Variants in PCDH9 observed in about 807,000 individuals in gnomAD.
PCDH9 encodes the protein protocadherin 9, also known as protocadherin-9.
A neutral mutation model predicts 70.6 loss-of-function variants in PCDH9; 24 were observed. The observed-to-expected ratio is 0.34, with a 90% confidence interval of 0.25 to 0.48. The LOEUF (loss-of-function observed/expected upper bound fraction) is 0.48. Ranked by LOEUF, PCDH9 falls within the 20% of genes least tolerant of loss-of-function variation. The pLI, the probability that PCDH9 is intolerant of heterozygous loss-of-function variation, is 0.99. For synonymous variants in PCDH9, 562 were observed against 558.5 expected (o/e 1.01, Z -0.09); for missense variants, 1,281 against 1,503.6 (o/e 0.85, Z 2.45).
intron 2 of PCDH9, among the ~76,000 whole-genome samples, chr13:67,062,511 G>T (rs1241695355): frequency 1.3e-5 from 2 of 152,116 alleles, no homozygotes; most frequent in Admixed American, 6.6e-5. Flanking sequence ...ACTGCATATT[G>T]CATATTGTAT....
intron 3 of PCDH9, among the ~76,000 whole-genome samples, chr13:66,776,526 A>G (rs1476194802): frequency 2.0e-5 from 3 of 151,740 alleles, no homozygotes; most frequent in Non-Finnish European, 4.4e-5. Context: ...ACTCCCATTC[A>G]CAATTGCTTC....
intron 3 of PCDH9, among the ~76,000 whole-genome samples, chr13:66,679,830 C>T (rs1284453286): frequency 6.6e-6 from 1 of 151,858 alleles, no homozygotes; most frequent in Non-Finnish European, 1.5e-5. Flanking sequence ...GTTCACCTGA[C>T]TCACCTGATA....
chr13:66,988,723 A>G lies in PCDH9; in HGVS notation c.3037-85118T>C, dbSNP rs556274798. Reference sequence around the variant, plus strand: ...AGAGTTTGATTCAATAGGGACAGTCATCTATTCTTATTTATTTTTAATGAT... The same window carrying G: ...AGAGTTTGATTCAATAGGGACAGTCGTCTATTCTTATTTATTTTTAATGAT... On this transcript the variant is annotated intron_variant, in intron 2 of 4. Transcript: ENST00000377865. 2.1e-4 allele frequency among the ~76,000 whole-genome samples: 32 copies of G among 152,132 alleles called. 1 individual carries two copies. The highest frequency in any genetic ancestry group is 2.1e-3 in the Admixed American group (32 of 15,242).
At chr13:66,378,867 G>T (rs568130554) in intron 4 of PCDH9, among the ~76,000 whole-genome samples, 10 of 152,312 alleles carry the variant, frequency 6.6e-5, no homozygotes, top group African/African-American at 2.4e-4. Context: ...AAGGAAAAGA[G>T]TGTAGGTCAT....
At chr13:66,378,151 C>A (rs906847017) in intron 4 of PCDH9, among the ~76,000 whole-genome samples, 1 of 152,126 alleles carries the variant, frequency 6.6e-6, no homozygotes, top group Non-Finnish European at 1.5e-5. Context: ...TGCCGAAAAG[C>A]CCTGAGGATG....
At chr13:66,806,317 C>T (rs2080409297) in intron 3 of PCDH9, among the ~76,000 whole-genome samples, 1 of 151,988 alleles carries the variant, frequency 6.6e-6, no homozygotes, top group Admixed American at 6.6e-5. Context: ...TACAGAATAG[C>T]CCCAGGTGGT....
intron 2 of PCDH9, among the ~76,000 whole-genome samples, chr13:67,069,480 AAAC>A (rs1237221539): frequency 6.6e-6 from 1 of 152,174 alleles, no homozygotes; most frequent in African/African-American, 2.4e-5. Context: ...ATCTACTAAC[AAAC>A]AAAATAAAAG....
chr13:66,668,444 C>T (rs987880371), intron 3 of PCDH9, among the ~76,000 whole-genome samples: 2 of 152,122 alleles, frequency 1.3e-5, no homozygotes, highest in Non-Finnish European at 2.9e-5. Flanking sequence ...CACCTAAAAA[C>T]TGCTCTCCAC....
chr13:67,035,214 A>C (rs138536699), intron 2 of PCDH9, among the ~76,000 whole-genome samples: 60 of 152,270 alleles, frequency 3.9e-4, no homozygotes, highest in Middle Eastern at 3.4e-3. Context: ...ATACTGTCCA[A>C]AGTTTGCAAA....
intron 2 of PCDH9, among the ~76,000 whole-genome samples, chr13:66,940,741 G>A (rs935984164): frequency 1.8e-5 from 2 of 113,208 alleles, no homozygotes; most frequent in Admixed American, 2.1e-4. Context: ...TTATATGAGA[G>A]TAAAAATAGC....
At chr13:66,792,356 A>C (rs1296556073) in intron 3 of PCDH9, among the ~76,000 whole-genome samples, 1 of 152,148 alleles carries the variant, frequency 6.6e-6, no homozygotes, top group Non-Finnish European at 1.5e-5. Context: ...CACAGACCAT[A>C]TATGTGCAGC....
intron 3 of PCDH9, among the ~76,000 whole-genome samples, chr13:66,866,224 T>G (rs2081571532): frequency 6.6e-6 from 1 of 152,166 alleles, no homozygotes. Flanking sequence ...GACTCACGCC[T>G]GTAATCCCAG....
chr13:66,721,943 C>T (rs2078946695), intron 3 of PCDH9, among the ~76,000 whole-genome samples: 1 of 152,170 alleles, frequency 6.6e-6, no homozygotes, highest in South Asian at 2.1e-4. Context: ...ACTGTGGTTT[C>T]TAATCATTTT....
chr13:66,948,496 AT>A (rs1316263432), intron 2 of PCDH9, among the ~76,000 whole-genome samples: 7 of 151,484 alleles, frequency 4.6e-5, no homozygotes, highest in Middle Eastern at 3.2e-3. Context: ...TTTCATGCTT[AT>A]TTTTTTTCTT....
intron 4 of PCDH9, among the ~76,000 whole-genome samples, chr13:66,345,373 A>T (rs570811611): frequency 1.6e-4 from 24 of 151,432 alleles, no homozygotes; most frequent in Admixed American, 2.6e-4. Flanking sequence ...TAATGAGGTA[A>T]TTTTTTTTTC....
intron 2 of PCDH9, among the ~76,000 whole-genome samples, chr13:67,134,479 T>C (rs2087182919): frequency 6.6e-6 from 1 of 152,104 alleles, no homozygotes; most frequent in African/African-American, 2.4e-5. Context: ...TCACGCAGCA[T>C]TGAGATGACC....
At chr13:66,807,605 A>G (rs1180009014) in intron 3 of PCDH9, among the ~76,000 whole-genome samples, 3 of 152,186 alleles carry the variant, frequency 2.0e-5, no homozygotes, top group Non-Finnish European at 4.4e-5. Flanking sequence ...ATTTATATAA[A>G]GATGTTTACA....
chr13:66,513,824 G>A (rs1959603275), intron 4 of PCDH9, among the ~76,000 whole-genome samples: 2 of 150,674 alleles, frequency 1.3e-5, no homozygotes, highest in African/African-American at 4.9e-5. Context: ...TAACAGTTTG[G>A]CAATGAGGTA....
intron 3 of PCDH9, among the ~76,000 whole-genome samples, chr13:66,739,675 G>C (rs1370306378): frequency 6.6e-6 from 1 of 151,950 alleles, no homozygotes; most frequent in Admixed American, 6.6e-5. Flanking sequence ...AAACAAAAAA[G>C]GCAGGGTTTG....
Sources: gnomAD v4.1 joint callset for allele counts (sites outside exome capture counted in the v4.1 genomes callset) on GRCh38, gnomAD v4.1.1 for gene constraint, MANE v1.5 for transcripts, NCBI Gene and HGNC (gene_info 2026-07-23, HGNC 2026-07-21) for gene names.